PRKN: variants seen among roughly 807,000 people sequenced by gnomAD.
PRKN encodes parkin RBR E3 ubiquitin protein ligase, also known as E3 ubiquitin-protein ligase parkin.
PRKN carries 56 observed loss-of-function variants against 59.5 expected under a neutral mutation model. The ratio of observed to expected loss-of-function variants is 0.94; its 90% confidence interval spans 0.76 to 1.18. The LOEUF is 1.18. PRKN is among the 50% of genes most tolerant of loss of function. The probability of loss-of-function intolerance (pLI) is 0.00; values close to 1 mark genes in which losing one functional copy is unlikely to be tolerated. For missense variants in PRKN, 657 were observed against 596.4 expected (o/e 1.10, Z -1.06); for synonymous variants, 250 against 222.1 (o/e 1.13, Z -1.12).
chr6:162,130,124 C>T (rs758811028), intron 4 of PRKN, among the ~76,000 whole-genome samples: 1 of 152,068 alleles, frequency 6.6e-6, no homozygotes, highest in Non-Finnish European at 1.5e-5. Context: ...CTTTCTGGCC[C>T]CCAAATACAG....
At chr6:161,752,049 T>G (rs926181947) in intron 7 of PRKN, among the ~76,000 whole-genome samples, 2 of 152,192 alleles carry the variant, frequency 1.3e-5, no homozygotes, top group Non-Finnish European at 2.9e-5. Flanking sequence ...TGGAGAATAT[T>G]ATGAAGAATT....
rs1285135617 is a variant in PRKN, at chr6:161,510,778, GATA to G, written c.1083+38073_1083+38075del. On this transcript the variant is annotated intron_variant, in intron 9 of 11. Coordinates refer to ENST00000366898, the MANE Select transcript of PRKN (RefSeq NM_004562.3). ...CAATGTTCTATTTGTAAAAGCAAAT[GATA>G]GAGGATATAATCCTTTATCATTTGA... 1.7e-4 allele frequency among the ~76,000 whole-genome samples: 26 copies of G among 152,298 alleles called. 1 individual carries two copies. The highest frequency in any genetic ancestry group is 6.0e-4 in the African/African-American group (25 of 41,572).
At chr6:161,571,047 T>C (rs1780868716) in intron 7 of PRKN, among the ~76,000 whole-genome samples, 1 of 152,122 alleles carries the variant, frequency 6.6e-6, no homozygotes, top group South Asian at 2.1e-4. Context: ...CCCTCTTGCT[T>C]CAGCTTCCTG....
At chr6:162,290,454 T>G (rs1392201989) in intron 2 of PRKN, among the ~76,000 whole-genome samples, 1 of 152,208 alleles carries the variant, frequency 6.6e-6, no homozygotes, top group Non-Finnish European at 1.5e-5. Flanking sequence ...ATTCTTTGAT[T>G]TAAAACATCA....
chr6:162,209,678 T>C (rs1228970806), intron 3 of PRKN, among the ~76,000 whole-genome samples: 2 of 152,182 alleles, frequency 1.3e-5, no homozygotes, highest in African/African-American at 4.8e-5. Context: ...TGCAGTACTA[T>C]TCACACTAGC....
At chr6:161,805,450 ATG>A (rs1215769120) in intron 6 of PRKN, among the ~76,000 whole-genome samples, 2 of 38,756 alleles carry the variant, frequency 5.2e-5, no homozygotes, top group African/African-American at 1.9e-4. Flanking sequence ...GAGTACACAC[ATG>A]CACACACACA....
intron 2 of PRKN, among the ~76,000 whole-genome samples, chr6:162,296,950 C>T (rs1781702021): frequency 3.3e-5 from 5 of 151,934 alleles, no homozygotes; most frequent in Admixed American, 3.3e-4. Flanking sequence ...AGTACATCTC[C>T]AGGCCTCTCA....
At chr6:162,171,293 T>C (rs956056979) in intron 4 of PRKN, among the ~76,000 whole-genome samples, 16 of 151,922 alleles carry the variant, frequency 1.1e-4, no homozygotes, top group African/African-American at 3.4e-4. Context: ...CCACCCCAAG[T>C]TGGGAGATGG....
intron 5 of PRKN, among the ~76,000 whole-genome samples, chr6:162,011,341 ATAT>A (rs1432736318): frequency 7.0e-5 from 1 of 14,314 alleles, no homozygotes. Context: ...AATATATTAT[ATAT>A]TATAATATAT....
chr6:162,001,405 T>C (rs1242030594), intron 5 of PRKN, among the ~76,000 whole-genome samples: 1 of 152,102 alleles, frequency 6.6e-6, no homozygotes, highest in Non-Finnish European at 1.5e-5. Flanking sequence ...ATAATATTTT[T>C]AGAGGAGCTA....
chr6:162,039,452 C>T (rs9458437), intron 5 of PRKN, among the ~76,000 whole-genome samples: 31,753 of 152,070 alleles, frequency 0.21, 4,190 homozygotes, highest in Non-Finnish European at 0.29. Flanking sequence ...GAGTGAATGA[C>T]TTCTCATTGT....
intron 1 of PRKN, among the ~76,000 whole-genome samples, chr6:162,515,084 CTT>C (rs11394289): frequency 2.1e-5 from 3 of 140,348 alleles, no homozygotes; most frequent in Admixed American, 7.2e-5. Flanking sequence ...ACTATTTTTA[CTT>C]TTTTTTTTTT....
intron 2 of PRKN, among the ~76,000 whole-genome samples, chr6:162,319,098 G>A (rs1357838010): frequency 6.6e-6 from 1 of 151,908 alleles, no homozygotes; most frequent in Non-Finnish European, 1.5e-5. Context: ...AATATTTCCT[G>A]ATTAAGTCAC....
rs1418304857 is a variant in PRKN, at chr6:161,390,642, C to A, written c.1084-3765G>T. Among the ~76,000 whole-genome samples, 2 of 152,094 alleles carry A rather than the reference C, an allele frequency of 1.3e-5. No individual in the cohort carries two copies. The highest frequency in any genetic ancestry group is 4.8e-5 in the African/African-American group (2 of 41,394). The stretch of plus-strand genomic sequence containing the variant: ...TAGCTGGGACTACAGGCGCCTGCCA[C>A]CACGCCCGGCTAATTTTTGTATTTT... On this transcript the variant is annotated intron_variant, in intron 9 of 11. Coordinates refer to ENST00000366898, the MANE Select transcript of PRKN (RefSeq NM_004562.3). The surrounding 1 kb of genome is among the most constrained non-coding windows in gnomAD (Gnocchi z 7.0).
intron 2 of PRKN, among the ~76,000 whole-genome samples, chr6:162,414,888 A>G (rs1788549260): frequency 6.6e-6 from 1 of 152,088 alleles, no homozygotes; most frequent in South Asian, 2.1e-4. Flanking sequence ...CGGATTTTCT[A>G]TCACTGGAGG....
rs946920476 is a variant in PRKN at position 161,445,227 on chromosome 6, C to T, written c.1084-58350G>A. ...GGGGAGAGGGGGCTCAACTTTCTGA[C>T]GGCCACTTAGAGGCTGCCTGACCAC... is the stretch of plus-strand genomic sequence containing the variant. On this transcript the variant is annotated intron_variant, in intron 9 of 11. Coordinates refer to ENST00000366898, the MANE Select transcript of PRKN (RefSeq NM_004562.3). The surrounding 1 kb of genome is among the most constrained non-coding windows in gnomAD (Gnocchi z 7.7). Among the ~76,000 whole-genome samples the T allele has an allele frequency of 7.9e-5, 12 of 152,172 alleles. No homozygotes were observed. Among genetic ancestry groups the T allele is most frequent in the African/African-American group, 2.7e-4 (11 of 41,442 alleles).
intron 2 of PRKN, among the ~76,000 whole-genome samples, chr6:162,381,706 T>A (rs1475775169): frequency 6.6e-6 from 1 of 152,214 alleles, no homozygotes; most frequent in Non-Finnish European, 1.5e-5. Context: ...AATGATATGT[T>A]TTTACCATTA....
At chr6:162,657,006 C>T (rs1188037208) in intron 1 of PRKN, among the ~76,000 whole-genome samples, 3 of 152,320 alleles carry the variant, frequency 2.0e-5, no homozygotes, top group Non-Finnish European at 2.9e-5. Flanking sequence ...AGATGCCTGT[C>T]GTATCCTGCC....
At chr6:161,559,918 G>T (rs1780390888) in intron 8 of PRKN, among the ~76,000 whole-genome samples, 1 of 152,202 alleles carries the variant, frequency 6.6e-6, no homozygotes, top group African/African-American at 2.4e-5. Flanking sequence ...GAAGCCTTTT[G>T]GGGTGAAAGC....
Sources: gnomAD v4.1 joint callset for allele counts (sites outside exome capture counted in the v4.1 genomes callset) on GRCh38, gnomAD v4.1.1 for gene constraint, Gnocchi (gnomAD v3.1) non-coding constraint, MANE v1.5 for transcripts, NCBI Gene and HGNC (gene_info 2026-07-23, HGNC 2026-07-21) for gene names.